CYP2C18: variants seen among roughly 807,000 people sequenced by gnomAD.
CYP2C18 encodes the protein cytochrome P450 2C18.
In CYP2C18, 38 loss-of-function variants were observed where a neutral mutation model predicts 41.3. That is an observed-to-expected ratio of 0.92 (90% CI 0.71 to 1.21). The LOEUF (loss-of-function observed/expected upper bound fraction) is 1.21, where lower values mean the gene tolerates loss of function less well. Ranked by LOEUF, CYP2C18 falls within the 50% of genes most tolerant of loss-of-function variation. CYP2C18 has a pLI of 0.00. For synonymous variants in CYP2C18, 236 were observed against 210.0 expected (o/e 1.12, Z -1.07); for missense variants, 635 against 591.4 (o/e 1.07, Z -0.77).
intron 3 of CYP2C18, among the ~76,000 whole-genome samples, chr10:94,689,448 C>A (rs1846957103): frequency 6.6e-6 from 1 of 152,084 alleles, no homozygotes; most frequent in Non-Finnish European, 1.5e-5. Context: ...CTAGAGATAG[C>A]AAATGTCTTG....
At chr10:94,725,924 TA>T (rs1847732513) in intron 7 of CYP2C18, among the ~76,000 whole-genome samples, 1 of 152,132 alleles carries the variant, frequency 6.6e-6, no homozygotes, top group Non-Finnish European at 1.5e-5. Context: ...GTTGGCTTCA[TA>T]AAATAAGGAA....
At chr10:94,735,224 A>C (rs762769685) in intron 8 of CYP2C18, 39 bp from the exon 9 acceptor site, 19 of 1,591,276 alleles carry the variant, frequency 1.2e-5, no homozygotes, top group Non-Finnish European at 1.6e-5. Flanking sequence ...TCATGACCTA[A>C]TGTTCAAGGA....
intron 2 of CYP2C18, 43 bp from the exon 3 acceptor site, chr10:94,688,082 T>G (rs375742950): frequency 5.8e-5 from 93 of 1,612,586 alleles, no homozygotes; most frequent in Non-Finnish European, 7.5e-5. Context: ...CTCTTGTCCT[T>G]GTTTGGATTC....
At chr10:94,716,823 T>C (rs1204385871) in intron 5 of CYP2C18, among the ~76,000 whole-genome samples, 1 of 152,178 alleles carries the variant, frequency 6.6e-6, no homozygotes, top group Middle Eastern at 3.2e-3. Flanking sequence ...TCTAATTATC[T>C]TCGTAGGTCT....
rs1006516409 is a variant in CYP2C18, at chr10:94,720,426, G to C, written c.850G>C (p.Val284Leu). ...EKHNQQSEFT[V>L]ESLIATVTDM... is the part of the protein sequence containing the mutation. ...GCACAATCAACAGTCTGAATTTACT[G>C]TTGAAAGCTTGATAGCCACTGTAAC... The change falls in exon 6 of 9, where the codon GTT (valine) becomes CTT (leucine). Residue 284 changes from valine (V) to leucine (L), a missense_variant. Physicochemically the swap from Val to Leu is conservative, Grantham distance 32. Transcript: ENST00000285979. The C allele has an allele frequency of 6.2e-7, 1 of 1,612,508 alleles. No individual in the cohort carries two copies. The highest frequency in any genetic ancestry group is 1.3e-5 in the African/African-American group (1 of 74,848).
chr10:94,735,750 A>T lies in CYP2C18; in HGVS notation c.*306A>T, dbSNP rs1441375974. 1 of 304,076 alleles carries T rather than the reference A, an allele frequency of 3.3e-6. No individual in the cohort carries two copies. The allele number at this position is 304,076 out of a possible 1,614,324, so 18.8% of individuals were successfully genotyped here. A position where few individuals can be genotyped will look rare whatever the true frequency, so the allele number is the denominator to read the frequency against. On this transcript the variant is annotated 3_prime_UTR_variant, in exon 9 of 9. Transcript: ENST00000285979. Reference sequence around the variant, plus strand: ...TAGAAAACAAAGAAAAATGATTAATAAATGACAATTCAGAGCCATTTATTC... The same window carrying T: ...TAGAAAACAAAGAAAAATGATTAATTAATGACAATTCAGAGCCATTTATTC...
chr10:94,706,807 C>T lies in CYP2C18; in HGVS notation c.666C>T (p.Leu222=). 6.3e-7 allele frequency: 1 copy of T among 1,596,680 alleles called. No individual in the cohort carries two copies. Among genetic ancestry groups the T allele is most frequent in the Non-Finnish European group, 8.6e-7 (1 of 1,168,278 alleles). The change falls in exon 5 of 9, where the codon CTC becomes CTT. Residue 222 remains leucine (L), a synonymous_variant. Transcript: ENST00000285979. ...WIQVCNNFPA[L]IDYLPGSHNK... is the part of the protein sequence containing the mutation. ...AGGTCTGCAATAATTTCCCTGCTCT[C>T]ATCGATTATCTCCCAGGAAGTCATA...
chr10:94,709,423 GACCTTTTGTCCGTTTTTAAATT>G (rs1230431469), intron 5 of CYP2C18, among the ~76,000 whole-genome samples: 1 of 152,066 alleles, frequency 6.6e-6, no homozygotes, highest in African/African-American at 2.4e-5. Flanking sequence ...AGTATATTCA[GACCTTTTGTCCGTTTTTAAATT>G]AGGTTATTAT....
intron 5 of CYP2C18, among the ~76,000 whole-genome samples, chr10:94,707,583 T>C (rs1847366062): frequency 6.6e-6 from 1 of 152,118 alleles, no homozygotes; most frequent in Non-Finnish European, 1.5e-5. Flanking sequence ...AAGAGTGGGA[T>C]GCGTATAATT....
intron 4 of CYP2C18, among the ~76,000 whole-genome samples, chr10:94,697,648 A>G (rs1328987644): frequency 1.3e-5 from 2 of 152,242 alleles, no homozygotes; most frequent in East Asian, 1.9e-4. Context: ...CTTAAATGTA[A>G]ATGGGTTAAA....
At chr10:94,691,967 C>T (rs1397332392) in intron 3 of CYP2C18, among the ~76,000 whole-genome samples, 2 of 152,028 alleles carry the variant, frequency 1.3e-5, no homozygotes, top group Non-Finnish European at 2.9e-5. Flanking sequence ...AACTGGCTAG[C>T]CATATGTAGA....
At chr10:94,731,383 A>G (rs1172785906) in intron 7 of CYP2C18, among the ~76,000 whole-genome samples, 1 of 152,004 alleles carries the variant, frequency 6.6e-6, no homozygotes, top group African/African-American at 2.4e-5. Flanking sequence ...CTGTCTCAAA[A>G]AAAAAATAAA....
chr10:94,687,953 T>C, intron 2 of CYP2C18, 21 bp downstream of exon 2: 1 of 1,611,688 alleles, frequency 6.2e-7, no homozygotes. Flanking sequence ...ATGTATCGTG[T>C]GTATGTGTAC....
intron 3 of CYP2C18, 82 bp downstream of exon 3, chr10:94,688,356 C>A: frequency 1.4e-6 from 2 of 1,463,484 alleles, no homozygotes; most frequent in South Asian, 1.3e-5. Flanking sequence ...AACTTTTATG[C>A]ATATTTATGG....
At chr10:94,690,955 C>T (rs574157550) in intron 3 of CYP2C18, among the ~76,000 whole-genome samples, 9 of 148,952 alleles carry the variant, frequency 6.0e-5, no homozygotes, top group South Asian at 2.3e-4. Context: ...GCAGAAAAGG[C>T]CTTTGACAAA....
chr10:94,696,173 C>G (rs1005521351), intron 4 of CYP2C18, among the ~76,000 whole-genome samples: 4 of 152,214 alleles, frequency 2.6e-5, no homozygotes, highest in African/African-American at 4.8e-5. Flanking sequence ...TGAGAACGGA[C>G]AGACTGCGTC....
chr10:94,691,177 A>G (rs1405251382), intron 3 of CYP2C18, among the ~76,000 whole-genome samples: 2 of 152,206 alleles, frequency 1.3e-5, no homozygotes, highest in African/African-American at 4.8e-5. Flanking sequence ...GGACAGGGCA[A>G]TCAGGCAGGA....
intron 1 of CYP2C18, among the ~76,000 whole-genome samples, chr10:94,685,781 T>C (rs556791392): frequency 6.6e-6 from 1 of 152,302 alleles, no homozygotes; most frequent in East Asian, 1.9e-4. Flanking sequence ...TGCTATGCAG[T>C]TTTGCTTACT....
chr10:94,713,509 A>G (rs1459368675), intron 5 of CYP2C18, among the ~76,000 whole-genome samples: 1 of 151,952 alleles, frequency 6.6e-6, no homozygotes, highest in East Asian at 1.9e-4. Context: ...AGGGATACGA[A>G]CTCATCCTTT....
Sources: gnomAD v4.1 joint callset for allele counts (sites outside exome capture counted in the v4.1 genomes callset) on GRCh38, gnomAD v4.1.1 for gene constraint, MANE v1.5 for transcripts, NCBI Gene and HGNC (gene_info 2026-07-23, HGNC 2026-07-21) for gene names.